ANKH: variants seen among roughly 807,000 people sequenced by gnomAD.
The protein encoded by ANKH is mineralization regulator ANKH.
In ANKH, 15 loss-of-function variants were observed where a neutral mutation model predicts 49.0. The observed-to-expected ratio is 0.31, with a 90% CI of 0.20 to 0.47. The LOEUF is 0.47. Among genes scored for constraint, ANKH ranks in the 20% least tolerant of loss-of-function variants. The pLI, the probability that ANKH is intolerant of heterozygous loss-of-function variation, is 1.00. For missense variants in ANKH, 429 were observed against 652.0 expected (o/e 0.66, Z 3.72); for synonymous variants, 273 against 260.0 (o/e 1.05, Z -0.48).
chr5:14,809,574 G>A (rs1414282021), intron 1 of ANKH, among the ~76,000 whole-genome samples: 1 of 152,024 alleles, frequency 6.6e-6, no homozygotes, highest in African/African-American at 2.4e-5. Context: ...ATCAATAAGT[G>A]TCATAACAGA....
rs568965475 is a variant in ANKH, at chr5:14,778,878, C to T, written c.97-9687G>A. Among the ~76,000 whole-genome samples the T allele has an allele frequency of 7.2e-5, 11 of 152,300 alleles. No homozygotes were observed. In the East Asian group the frequency reaches 2.1e-3, roughly 29 times the overall value. Reference sequence around the variant, plus strand: ...GAATACACAGCCACACGGTCTGCTGCCACTGCACAATCATGGTCTCCAACG... The same window carrying T: ...GAATACACAGCCACACGGTCTGCTGTCACTGCACAATCATGGTCTCCAACG... On this transcript the variant is annotated intron_variant, in intron 1 of 11. Coordinates refer to ENST00000284268, the MANE Select transcript of ANKH (RefSeq NM_054027.6).
chr5:14,729,116 T>C (rs1255687008), intron 8 of ANKH, among the ~76,000 whole-genome samples: 3 of 152,132 alleles, frequency 2.0e-5, no homozygotes, highest in Non-Finnish European at 2.9e-5. Flanking sequence ...TGCAGTGGCA[T>C]GATCTTGGCT....
chr5:14,723,591 A>G (rs1737735753), intron 8 of ANKH, among the ~76,000 whole-genome samples: 1 of 152,176 alleles, frequency 6.6e-6, no homozygotes, highest in African/African-American at 2.4e-5. Flanking sequence ...GTGAGCCAAG[A>G]TTGCGCCACT....
intron 1 of ANKH, among the ~76,000 whole-genome samples, chr5:14,858,231 C>A (rs1384183307): frequency 6.6e-6 from 1 of 151,936 alleles, no homozygotes; most frequent in African/African-American, 2.4e-5. Context: ...TACACTGTAC[C>A]CAATGTGTAG....
At chr5:14,716,349 T>A (rs1177914604) in intron 9 of ANKH, among the ~76,000 whole-genome samples, 1 of 152,046 alleles carries the variant, frequency 6.6e-6, no homozygotes, top group Non-Finnish European at 1.5e-5. Context: ...AAAAATTAGT[T>A]GGGTATGGTG....
chr5:14,799,249 G>A (rs866465113), intron 1 of ANKH, among the ~76,000 whole-genome samples: 1 of 152,188 alleles, frequency 6.6e-6, no homozygotes, highest in African/African-American at 2.4e-5. Context: ...AACAGAGGTT[G>A]GTTCATGGGG....
intron 1 of ANKH, chr5:14,798,110 G>C: frequency 6.4e-7 from 1 of 1,556,800 alleles, no homozygotes; most frequent in Admixed American, 1.7e-5. Flanking sequence ...CTCTGTCGTA[G>C]TGTGATGCAT....
intron 6 of ANKH, 48 bp downstream of exon 6, chr5:14,749,124 G>C (rs768128325): frequency 1.1e-5 from 17 of 1,613,220 alleles, no homozygotes; most frequent in Non-Finnish European, 1.3e-5. Context: ...GCACCCCCCT[G>C]CCCCACCAAG....
chr5:14,859,596 A>C (rs28722674), intron 1 of ANKH, among the ~76,000 whole-genome samples: 106 of 152,364 alleles, frequency 7.0e-4, no homozygotes, highest in African/African-American at 2.4e-3. Flanking sequence ...AGACACTGTA[A>C]TAACAATGCA....
Position 14,710,378 on chromosome 5 carries a change from A to C in ANKH, c.*819T>G, listed in dbSNP as rs186783503. The stretch of plus-strand genomic sequence containing the variant: ...AAGCCTTCAGGAAAAGTCATGCGGC[A>C]GGGTCTGGAATCTGGAGATGCGCTT... On this transcript the variant is annotated 3_prime_UTR_variant, in exon 12 of 12. Coordinates refer to ENST00000284268, the MANE Select transcript of ANKH (RefSeq NM_054027.6). 46 of 152,376 alleles carry C rather than the reference A, an allele frequency of 3.0e-4. No homozygotes were observed. Among genetic ancestry groups the C allele is most frequent in the African/African-American group, 1.0e-3 (43 of 41,586 alleles). The allele number at this position is 152,376 out of a possible 1,614,324, so 9.4% of individuals were successfully genotyped here.
intron 1 of ANKH, among the ~76,000 whole-genome samples, chr5:14,843,484 T>C (rs896492700): frequency 6.7e-5 from 10 of 150,288 alleles, no homozygotes; most frequent in Admixed American, 4.7e-4. Context: ...CCAGCTCTCA[T>C]TTTTTATAAT....
At chr5:14,741,458 G>A (rs748647239) in intron 8 of ANKH, 1 of 262,572 alleles carries the variant, frequency 3.8e-6, no homozygotes, top group Non-Finnish European at 7.5e-6. Context: ...GGGGAACACT[G>A]AAGTAACGCG....
Position 14,754,004 on chromosome 5 carries a change from AG to A in ANKH, c.516+1856del, listed in dbSNP as rs1315394767. Among the ~76,000 whole-genome samples the A allele has an allele frequency of 3.3e-5, 5 of 152,360 alleles. No individual in the cohort carries two copies. The East Asian group carries it at 9.6e-4, about 29-fold the overall frequency. ...ACCTAACAAACGTTTTCAGGTAATG[AG>A]AGGAAGCCTGAGGGTAAAAGACTTA... is the stretch of plus-strand genomic sequence containing the variant. On this transcript the variant is annotated intron_variant, in intron 4 of 11. Coordinates refer to ENST00000284268, the MANE Select transcript of ANKH (RefSeq NM_054027.6).
intron 1 of ANKH, among the ~76,000 whole-genome samples, chr5:14,791,261 C>T (rs1001055527): frequency 6.6e-6 from 1 of 152,116 alleles, no homozygotes; most frequent in Non-Finnish European, 1.5e-5. Context: ...GGGGTGGGCG[C>T]ATGAGCTCAG....
intron 3 of ANKH, among the ~76,000 whole-genome samples, chr5:14,756,750 T>A (rs1237618024): frequency 1.3e-5 from 2 of 151,084 alleles, no homozygotes; most frequent in Non-Finnish European, 2.9e-5. Flanking sequence ...TTAAATATTC[T>A]CTCTCCAACC....
In ANKH at chr5:14,708,308, TTA is replaced by T. The variant is rs1333699385; in HGVS notation, c.*2887_*2888del. 14 of 152,332 alleles carry T rather than the reference TTA, an allele frequency of 9.2e-5. No homozygotes were observed. Among genetic ancestry groups the T allele is most frequent in the African/African-American group, 3.1e-4 (13 of 41,576 alleles). The allele number at this position is 152,332 out of a possible 1,614,324, so 9.4% of individuals were successfully genotyped here. A position where few individuals can be genotyped will look rare whatever the true frequency, so the allele number is the denominator to read the frequency against. On this transcript the variant is annotated 3_prime_UTR_variant, in exon 12 of 12. Coordinates refer to ENST00000284268, the MANE Select transcript of ANKH (RefSeq NM_054027.6). ...AAAACTACTTCATGGCCTTGTATTT[TTA>T]GATTGTATTCATCCACAAGCAATCA...
chr5:14,723,901 C>A (rs1231289670), intron 8 of ANKH, among the ~76,000 whole-genome samples: 1 of 152,228 alleles, frequency 6.6e-6, no homozygotes, highest in Non-Finnish European at 1.5e-5. Context: ...CTAACCACCA[C>A]TGGGCTGCAG....
chr5:14,759,998 G>A (rs888657542), intron 2 of ANKH, among the ~76,000 whole-genome samples: 20 of 152,102 alleles, frequency 1.3e-4, no homozygotes, highest in African/African-American at 4.6e-4. Context: ...GGGAGTAAGT[G>A]GTTTCAAGGT....
chr5:14,841,576 T>C (rs1234865925), intron 1 of ANKH, among the ~76,000 whole-genome samples: 2 of 152,210 alleles, frequency 1.3e-5, no homozygotes, highest in African/African-American at 4.8e-5. Context: ...GGATTACAAG[T>C]GTGAGCCACT....
Sources: gnomAD v4.1 joint callset for allele counts (sites outside exome capture counted in the v4.1 genomes callset) on GRCh38, gnomAD v4.1.1 for gene constraint, MANE v1.5 for transcripts, NCBI Gene and HGNC (gene_info 2026-07-23, HGNC 2026-07-21) for gene names.